The following CDK14 variants were observed in gnomAD, a reference collection of about 807,000 sequenced individuals.
The protein encoded by CDK14 is cyclin-dependent kinase 14.
In CDK14, 34 loss-of-function variants were observed where a neutral mutation model predicts 60.7. The observed-to-expected ratio is 0.56, with a 90% confidence interval of 0.43 to 0.75. The LOEUF is 0.75. Ranked by LOEUF, CDK14 falls within the 30% of genes least tolerant of loss-of-function variation. CDK14 has a pLI of 0.00. For synonymous variants in CDK14, 197 were observed against 203.7 expected (o/e 0.97, Z 0.28); for missense variants, 482 against 564.1 (o/e 0.85, Z 1.47).
intron 2 of CDK14, among the ~76,000 whole-genome samples, chr7:90,703,432 G>A (rs552552899): frequency 1.2e-4 from 19 of 152,216 alleles, no homozygotes; most frequent in Non-Finnish European, 2.5e-4. Flanking sequence ...ATGAAAAACT[G>A]TGCCGTGCCC....
At chr7:91,006,209 T>C (rs1795975380) in intron 10 of CDK14, among the ~76,000 whole-genome samples, 2 of 152,250 alleles carry the variant, frequency 1.3e-5, no homozygotes, top group Admixed American at 6.5e-5. Flanking sequence ...TTGAAGTTTT[T>C]CCCCTCATGG....
chr7:90,826,649 A>C (rs1161896643), intron 5 of CDK14, among the ~76,000 whole-genome samples: 27 of 152,148 alleles, frequency 1.8e-4, no homozygotes. Flanking sequence ...TTAATTAAAA[A>C]ATTTTTTAAA....
At chr7:90,754,370 G>A (rs1803971348) in intron 4 of CDK14, among the ~76,000 whole-genome samples, 1 of 152,224 alleles carries the variant, frequency 6.6e-6, no homozygotes, top group African/African-American at 2.4e-5. Context: ...ACAAAAATAA[G>A]TGATGGGGAA....
intron 4 of CDK14, among the ~76,000 whole-genome samples, chr7:90,763,478 TAG>T (rs1042882574): frequency 6.6e-6 from 1 of 152,188 alleles, no homozygotes; most frequent in African/African-American, 2.4e-5. Context: ...AAACCCCGTA[TAG>T]AGTTTGGTTT....
At chr7:90,969,611 G>A (rs944698407) in intron 9 of CDK14, among the ~76,000 whole-genome samples, 3 of 152,252 alleles carry the variant, frequency 2.0e-5, no homozygotes, top group Non-Finnish European at 4.4e-5. Flanking sequence ...AGATGTGCAA[G>A]GCTTATTAAT....
intron 9 of CDK14, among the ~76,000 whole-genome samples, chr7:90,956,985 G>A (rs1481056645): frequency 6.6e-6 from 1 of 151,046 alleles, no homozygotes; most frequent in African/African-American, 2.4e-5. Flanking sequence ...TGGTGTATAT[G>A]TGCCACATTT....
At chr7:91,192,246 AC>A (rs1031571990) in intron 14 of CDK14, among the ~76,000 whole-genome samples, 1 of 152,220 alleles carries the variant, frequency 6.6e-6, no homozygotes, top group African/African-American at 2.4e-5. Context: ...AAATGACAGA[AC>A]CAAAGTAAGA....
At chr7:90,626,965 AAAAAAC>A (rs139876668) in intron 2 of CDK14, among the ~76,000 whole-genome samples, 3,615 of 151,962 alleles carry the variant, frequency 0.024, 137 homozygotes, top group African/African-American at 0.081. Context: ...CAAAAACAGC[AAAAAAC>A]AAAAACAAAA....
chr7:91,170,198 T>C (rs754604945), intron 14 of CDK14, among the ~76,000 whole-genome samples: 18 of 152,340 alleles, frequency 1.2e-4, no homozygotes, highest in Non-Finnish European at 1.6e-4. Flanking sequence ...TTCACAGATA[T>C]GGAAAGGACT....
intron 11 of CDK14, among the ~76,000 whole-genome samples, chr7:91,054,971 C>T (rs181923507): frequency 6.6e-6 from 1 of 152,118 alleles, no homozygotes; most frequent in Non-Finnish European, 1.5e-5. Context: ...GAAAGACCTA[C>T]AGGCTACAAA....
At chr7:90,737,345 C>T (rs1457707594) in intron 3 of CDK14, among the ~76,000 whole-genome samples, 3 of 152,210 alleles carry the variant, frequency 2.0e-5, no homozygotes, top group Non-Finnish European at 4.4e-5. Flanking sequence ...CCAAATTTAC[C>T]TCTTTTCATC....
At chr7:90,781,188 G>A (rs1805302224) in intron 4 of CDK14, among the ~76,000 whole-genome samples, 1 of 152,144 alleles carries the variant, frequency 6.6e-6, no homozygotes, top group Non-Finnish European at 1.5e-5. Context: ...ATTTTTTCAT[G>A]TGTTTTTTGG....
chr7:90,642,129 T>C (rs1010826101), intron 2 of CDK14, among the ~76,000 whole-genome samples: 4 of 152,332 alleles, frequency 2.6e-5, no homozygotes, highest in African/African-American at 9.6e-5. Flanking sequence ...CATATCACCA[T>C]TGAACTGTAC....
intron 6 of CDK14, among the ~76,000 whole-genome samples, chr7:90,871,619 T>C (rs1791375418): frequency 6.6e-6 from 1 of 152,198 alleles, no homozygotes; most frequent in Non-Finnish European, 1.5e-5. Context: ...ACCTTATTGC[T>C]AAAAGCATTC....
intron 14 of CDK14, among the ~76,000 whole-genome samples, chr7:91,138,791 T>G (rs1800359637): frequency 6.6e-6 from 1 of 152,078 alleles, no homozygotes; most frequent in Admixed American, 6.6e-5. Flanking sequence ...AAATGGGAGA[T>G]TGTAAGGATA....
Position 91,210,119 on chromosome 7 carries a change from G to A in CDK14, c.*2983G>A, listed in dbSNP as rs1327695491. 2 of 152,500 alleles carry A rather than the reference G, an allele frequency of 1.3e-5. No individual in the cohort carries two copies. Among genetic ancestry groups the A allele is most frequent in the Non-Finnish European group, 2.9e-5 (2 of 68,026 alleles). The allele number at this position is 152,500 out of a possible 1,614,324, so 9.4% of individuals were successfully genotyped here. ...ATACATAGGAATATGCTGCATAATT[G>A]CGCATAACTTCCATCTCCCTTACTG... On this transcript the variant is annotated 3_prime_UTR_variant, in exon 15 of 15. Coordinates refer to ENST00000380050, the MANE Select transcript of CDK14 (RefSeq NM_001287135.2).
chr7:90,906,401 G>T (rs1055886779), intron 7 of CDK14, among the ~76,000 whole-genome samples: 1 of 152,080 alleles, frequency 6.6e-6, no homozygotes. Flanking sequence ...TAGTAACACA[G>T]AAGCTCTATG....
At chr7:90,839,101 C>T (rs1790207545) in intron 5 of CDK14, among the ~76,000 whole-genome samples, 1 of 152,182 alleles carries the variant, frequency 6.6e-6, no homozygotes, top group South Asian at 2.1e-4. Context: ...GACCGGCTGA[C>T]ACTTAGGGAA....
At chr7:90,834,039 T>G (rs1790008593) in intron 5 of CDK14, among the ~76,000 whole-genome samples, 1 of 152,164 alleles carries the variant, frequency 6.6e-6, no homozygotes, top group African/African-American at 2.4e-5. Flanking sequence ...AAAAGACCCC[T>G]TGGTGGTGCT....
Sources: gnomAD v4.1 joint callset for allele counts (sites outside exome capture counted in the v4.1 genomes callset) on GRCh38, gnomAD v4.1.1 for gene constraint, MANE v1.5 for transcripts, NCBI Gene and HGNC (gene_info 2026-07-23, HGNC 2026-07-21) for gene names.